Variants in UGT1A7 observed in about 807,000 individuals in gnomAD.
UGT1A7 encodes the protein UDP glucuronosyltransferase family 1 member A7.
A neutral mutation model predicts 45.6 loss-of-function variants in UGT1A7; 33 were observed. That is an observed-to-expected ratio of 0.72 (90% CI 0.55 to 0.97). UGT1A7 has a LOEUF of 0.97. UGT1A7 is among the 50% of genes least tolerant of loss of function. The probability of loss-of-function intolerance (pLI) is 0.00; values close to 1 mark genes in which losing one functional copy is unlikely to be tolerated. For missense variants in UGT1A7, 684 were observed against 666.2 expected (o/e 1.03, Z -0.29); for synonymous variants, 274 against 250.6 (o/e 1.09, Z -0.88).
chr2:233,705,487 T>C (rs1377718108), intron 1 of UGT1A7, among the ~76,000 whole-genome samples: 1 of 152,176 alleles, frequency 6.6e-6, no homozygotes. Flanking sequence ...AATTTAATGA[T>C]AATAAATACC....
intron 1 of UGT1A7, among the ~76,000 whole-genome samples, chr2:233,748,852 G>A (rs1236663773): frequency 6.6e-6 from 1 of 151,452 alleles, no homozygotes; most frequent in Non-Finnish European, 1.5e-5. Flanking sequence ...GAGCGTATAA[G>A]CCCAGTTAAG....
intron 1 of UGT1A7, chr2:233,739,030 G>A (rs1034959985): frequency 1.3e-5 from 2 of 152,264 alleles, no homozygotes; most frequent in African/African-American, 4.8e-5. Flanking sequence ...TGGCTAAAAG[G>A]GGCCAAGGTA....
At chr2:233,729,271 C>G (rs45595237) in intron 1 of UGT1A7, 3 of 1,614,050 alleles carry the variant, frequency 1.9e-6, no homozygotes, top group Non-Finnish European at 8.5e-7. Flanking sequence ...GGAGGTCTTG[C>G]GGGAGCTCCA....
chr2:233,724,896 C>T lies in UGT1A7; in HGVS notation c.855+42104C>T, dbSNP rs1575557571. 1.5e-5 allele frequency among the ~76,000 whole-genome samples: 2 copies of T among 137,598 alleles called. 1 individual carries two copies. The highest frequency in any genetic ancestry group is 4.4e-4 in the East Asian group (2 of 4,596). The allele number at this position is 137,598 out of a possible 152,430, so 90.3% of individuals were successfully genotyped here. A position where few individuals can be genotyped will look rare whatever the true frequency, so the allele number is the denominator to read the frequency against. On this transcript the variant is annotated intron_variant, in intron 1 of 4. Coordinates refer to ENST00000373426, the MANE Select transcript of UGT1A7 (RefSeq NM_019077.3). ...GAGCGGAGATCACGCCACTGCACTC[C>T]AGCCTGGGCACCATTGAGCACTGAG...
chr2:233,727,949 G>C (rs1469801849), intron 1 of UGT1A7, among the ~76,000 whole-genome samples: 1 of 152,198 alleles, frequency 6.6e-6, no homozygotes, highest in African/African-American at 2.4e-5. Flanking sequence ...CAGACAGCCT[G>C]CCCACATCAT....
At chr2:233,693,116 C>T in intron 1 of UGT1A7, 1 of 1,614,114 alleles carries the variant, frequency 6.2e-7, no homozygotes, top group Non-Finnish European at 8.5e-7. Context: ...GGACGGAAGC[C>T]ACTGGCTTAG....
intron 1 of UGT1A7, chr2:233,717,717 G>T (rs1199377056): frequency 8.8e-6 from 4 of 454,280 alleles, no homozygotes; most frequent in South Asian, 6.2e-5. Flanking sequence ...AGCCTCATGG[G>T]CATGAGACCA....
In UGT1A7 at chr2:233,718,993, C is replaced by T. The variant is rs141408391; in HGVS notation, c.855+36201C>T. On this transcript the variant is annotated intron_variant, in intron 1 of 4. Transcript: ENST00000373426. ...GAGCTCCATGCCAGAGGCCACCAGG[C>T]GGTGGTCCTCACCCCAGAGGTGAAT... 743 of 1,614,156 alleles carry T rather than the reference C, an allele frequency of 4.6e-4. 9 individuals carry two copies. In the South Asian group the frequency reaches 5.4e-3, roughly 12 times the overall value.
intron 1 of UGT1A7, among the ~76,000 whole-genome samples, chr2:233,730,664 G>A (rs11891311): frequency 0.41 from 62,447 of 151,822 alleles, 13,776 homozygotes; most frequent in African/African-American, 0.57. Context: ...GAGTTCGGAA[G>A]GCAAAGTAAT....
chr2:233,737,919 T>C (rs1472023706), intron 1 of UGT1A7, among the ~76,000 whole-genome samples: 1 of 152,102 alleles, frequency 6.6e-6, no homozygotes, highest in African/African-American at 2.4e-5. Flanking sequence ...CAGGCTAGTG[T>C]ATTTAGTAGT....
At chr2:233,763,879 G>A (rs983056292) in intron 1 of UGT1A7, among the ~76,000 whole-genome samples, 2 of 152,162 alleles carry the variant, frequency 1.3e-5, no homozygotes, top group South Asian at 2.1e-4. Flanking sequence ...CTGGGTCTGA[G>A]AAAAATAACT....
At chr2:233,687,151 T>G (rs989415862) in intron 1 of UGT1A7, among the ~76,000 whole-genome samples, 1 of 152,198 alleles carries the variant, frequency 6.6e-6, no homozygotes, top group African/African-American at 2.4e-5. Flanking sequence ...TGATAATACA[T>G]GCAGATGACT....
intron 1 of UGT1A7, among the ~76,000 whole-genome samples, chr2:233,721,322 G>C (rs1265391747): frequency 6.6e-6 from 1 of 152,066 alleles, no homozygotes; most frequent in Non-Finnish European, 1.5e-5. Context: ...CTCTTTTCTT[G>C]TGGTTTTTCA....
At chr2:233,719,705 C>T (rs774192845) in intron 1 of UGT1A7, 50 of 1,613,844 alleles carry the variant, frequency 3.1e-5, no homozygotes, top group Middle Eastern at 1.7e-4. Context: ...TTGGTGCCTT[C>T]ATCCAATCAA....
intron 1 of UGT1A7, among the ~76,000 whole-genome samples, chr2:233,686,584 C>G (rs371449627): frequency 6.6e-6 from 1 of 152,056 alleles, no homozygotes; most frequent in African/African-American, 2.4e-5. Flanking sequence ...GTGTGGATTA[C>G]TGCTGCTTTC....
chr2:233,742,319 G>A (rs1288703999), intron 1 of UGT1A7, among the ~76,000 whole-genome samples: 1 of 151,924 alleles, frequency 6.6e-6, no homozygotes, highest in African/African-American at 2.4e-5. Flanking sequence ...TATTCCTTAC[G>A]GGAAACAAAG....
rs556800643 is a variant in UGT1A7 at position 233,745,736 on chromosome 2, G to A, written c.856-21298G>A. 8.6e-5 allele frequency among the ~76,000 whole-genome samples: 13 copies of A among 150,680 alleles called. No individual in the cohort carries two copies. The South Asian group carries it at 2.5e-3, about 29-fold the overall frequency. ...GAATGGCTGGAGGGTAAGAGGCAGA[G>A]GGAGGGGGCAAGCAGAAGGGGTGGA... On this transcript the variant is annotated intron_variant, in intron 1 of 4. Coordinates refer to ENST00000373426, the MANE Select transcript of UGT1A7 (RefSeq NM_019077.3).
intron 1 of UGT1A7, among the ~76,000 whole-genome samples, chr2:233,704,256 C>CTTT (rs59925871): frequency 0.31 from 38,668 of 122,898 alleles, 6,586 homozygotes; most frequent in African/African-American, 0.43. Flanking sequence ...GCCTTTATTG[C>CTTT]TTTTTTTTTT....
intron 1 of UGT1A7, chr2:233,721,850 A>G: frequency 1.9e-6 from 1 of 514,452 alleles, no homozygotes; most frequent in Non-Finnish European, 3.9e-6. Context: ...GTCCAGCCCC[A>G]CTGCTCGGCC....
Sources: gnomAD v4.1 joint callset for allele counts (sites outside exome capture counted in the v4.1 genomes callset) on GRCh38, gnomAD v4.1.1 for gene constraint, MANE v1.5 for transcripts, NCBI Gene and HGNC (gene_info 2026-07-23, HGNC 2026-07-21) for gene names.